Variants in LARS1 observed in about 807,000 individuals in gnomAD.
LARS1 encodes the protein leucyl-tRNA synthetase 1, also known as leucine--tRNA ligase, cytoplasmic.
A neutral mutation model predicts 162.8 loss-of-function variants in LARS1; 100 were observed. The ratio of observed to expected loss-of-function variants is 0.61; its 90% CI spans 0.52 to 0.73. The LOEUF (loss-of-function observed/expected upper bound fraction) is 0.73, where lower values mean the gene tolerates loss of function less well. Among genes scored for constraint, LARS1 ranks in the 30% least tolerant of loss-of-function variants. LARS1 has a pLI of 0.00. For missense variants in LARS1, 1,258 were observed against 1,408.9 expected (o/e 0.89, Z 1.71); for synonymous variants, 457 against 462.8 (o/e 0.99, Z 0.16).
At chr5:146,179,749 G>A in intron 1 of LARS1, 1 of 385,074 alleles carries the variant, frequency 2.6e-6, no homozygotes, top group Non-Finnish European at 5.2e-6. Context: ...ACAGGCATAT[G>A]CACCACCATA....
intron 1 of LARS1, chr5:146,182,249 C>T: frequency 1.7e-6 from 1 of 576,348 alleles, no homozygotes; most frequent in Non-Finnish European, 3.1e-6. Flanking sequence ...CTCTCCACCT[C>T]GATTTTAGAA....
intron 6 of LARS1, among the ~76,000 whole-genome samples, chr5:146,161,924 G>A (rs1040170157): frequency 3.9e-5 from 6 of 152,122 alleles, no homozygotes; most frequent in Non-Finnish European, 7.4e-5. Flanking sequence ...CGTAAGAAGC[G>A]AATCCTCATC....
At chr5:146,170,938 G>C (rs1486852261) in intron 4 of LARS1, among the ~76,000 whole-genome samples, 1 of 151,948 alleles carries the variant, frequency 6.6e-6, no homozygotes, top group Non-Finnish European at 1.5e-5. Context: ...ATGCATGTGT[G>C]CTAAGAGACA....
chr5:146,128,448 G>A (rs1206930067), intron 27 of LARS1, among the ~76,000 whole-genome samples: 5 of 152,014 alleles, frequency 3.3e-5, no homozygotes, highest in Admixed American at 2.6e-4. Flanking sequence ...TAGATCCAAT[G>A]TATTTTTGTA....
At position 146,155,096 on chromosome 5, in the gene LARS1, C is replaced by CGCA. The variant is rs1753462818; in HGVS notation, c.1066-1119_1066-1117dup. Reference sequence around the variant, plus strand: ...TGAACTCCTGACCCCAGGTGATCCACGCACCTCTGCCTCCCAAAGTGCTGG... The same window carrying CGCA: ...TGAACTCCTGACCCCAGGTGATCCACGCAGCACCTCTGCCTCCCAAAGTGCTGG... On this transcript the variant is annotated intron_variant, in intron 10 of 31. Transcript: ENST00000394434. 3.3e-5 allele frequency among the ~76,000 whole-genome samples: 5 copies of CGCA among 152,242 alleles called. No individual in the cohort carries two copies. The South Asian group carries it at 1.0e-3, about 32-fold the overall frequency.
At chr5:146,125,774 G>A (rs17427286) in intron 28 of LARS1, among the ~76,000 whole-genome samples, 34,128 of 151,962 alleles carry the variant, frequency 0.22, 4,835 homozygotes, top group Admixed American at 0.34. Context: ...AAGAAATCCA[G>A]TAATACATCA....
chr5:146,119,214 A>C (rs978877352), intron 31 of LARS1, among the ~76,000 whole-genome samples: 4 of 152,146 alleles, frequency 2.6e-5, no homozygotes, highest in Non-Finnish European at 5.9e-5. Flanking sequence ...TGCAGCTCCT[A>C]ATGAACAGCA....
At chr5:146,135,441 T>C (rs1752461298) in intron 22 of LARS1, among the ~76,000 whole-genome samples, 160 bp downstream of exon 22, 1 of 152,206 alleles carries the variant, frequency 6.6e-6, no homozygotes, top group Non-Finnish European at 1.5e-5. Context: ...AATTCTTATA[T>C]ATTAAATATT....
intron 3 of LARS1, 52 bp downstream of exon 3, chr5:146,172,635 A>G (rs1754331676): frequency 1.9e-6 from 2 of 1,048,018 alleles, no homozygotes; most frequent in African/African-American, 1.7e-5. Context: ...CTTCAAAACA[A>G]TATTCGTTAA....
chr5:146,180,597 A>G (rs969656104), intron 1 of LARS1, among the ~76,000 whole-genome samples: 1 of 152,198 alleles, frequency 6.6e-6, no homozygotes, highest in Admixed American at 6.5e-5. Flanking sequence ...AATTACTTAG[A>G]ACTATGTGTT....
At chr5:146,137,373 T>G (rs1418991958) in intron 21 of LARS1, among the ~76,000 whole-genome samples, 1 of 152,124 alleles carries the variant, frequency 6.6e-6, no homozygotes, top group Non-Finnish European at 1.5e-5. Context: ...AGGGGTGCCC[T>G]TCTCTAATTT....
At chr5:146,144,400 T>C (rs1292679305) in intron 17 of LARS1, 51 bp from the exon 18 acceptor site, 1 of 1,596,706 alleles carries the variant, frequency 6.3e-7, no homozygotes, top group African/African-American at 1.4e-5. Context: ...ACTTTTTTTG[T>C]TGCATTTCAA....
In LARS1 at chr5:146,157,436, G is replaced by C. The variant is rs749791589; in HGVS notation, c.1032C>G (p.Gly344=). ...TTAATTCCTTAACAACAGGCACCAC[G>C]CCATTGTCTTTGGTAAAGCCCTGGT... ...MSYQGFTKDN[G]VVPVVKELMG... The change falls in exon 10 of 32, where the codon GGC becomes GGG. Residue 344 remains glycine (G), a synonymous_variant. Transcript: ENST00000394434. 1.2e-6 allele frequency: 2 copies of C among 1,613,770 alleles called. No homozygotes were observed. Among genetic ancestry groups the C allele is most frequent in the African/African-American group, 2.7e-5 (2 of 74,836 alleles).
In LARS1 at chr5:146,172,070, T is replaced by C. The variant is rs562146694; in HGVS notation, c.214-80A>G. 7 of 1,278,560 alleles carry C rather than the reference T, an allele frequency of 5.5e-6. No individual in the cohort carries two copies. In the East Asian group the frequency reaches 1.5e-4, roughly 27 times the overall value. The allele number at this position is 1,278,560 out of a possible 1,614,324, so 79.2% of individuals were successfully genotyped here. Reference sequence around the variant, plus strand: ...AATGTGAACTTTTCACACAAAAAAATTAGTTTTCTTCTTTACATCCTCCTT... The same window carrying C: ...AATGTGAACTTTTCACACAAAAAAACTAGTTTTCTTCTTTACATCCTCCTT... On this transcript the variant is annotated intron_variant, in intron 3 of 31. Coordinates refer to ENST00000394434, the MANE Select transcript of LARS1 (RefSeq NM_020117.11).
intron 23 of LARS1, 32 bp downstream of exon 23, chr5:146,132,866 A>G (rs1443328787): frequency 6.3e-7 from 1 of 1,587,352 alleles, no homozygotes; most frequent in South Asian, 1.1e-5. Flanking sequence ...AAGTAACTCT[A>G]AAACACAAAA....
Position 146,143,002 on chromosome 5 carries a change from T to C in LARS1, c.1960A>G (p.Lys654Glu), listed in dbSNP as rs1752855499. Reference protein sequence around the residue: ...PFPKTQIAKEKLDQLKQEFEF... With the variant: ...PFPKTQIAKEELDQLKQEFEF... ...AACTCCTGCTTTAACTGATCTAATTTTTCCTTTGCAATCTGAGTCTTAGGA... is the reference window on the plus strand; with the variant it reads ...AACTCCTGCTTTAACTGATCTAATTCTTCCTTTGCAATCTGAGTCTTAGGA... The change falls in exon 20 of 32, where the codon AAA (lysine) becomes GAA (glutamate). Residue 654 changes from lysine to glutamate, a missense_variant. Lys to Glu is a moderately conservative substitution (Grantham distance 56, BLOSUM62 1). Transcript: ENST00000394434. 6.2e-7 allele frequency: 1 copy of C among 1,614,054 alleles called. No individual in the cohort carries two copies.
chr5:146,120,503 G>C lies in LARS1; in HGVS notation c.3193C>G (p.Pro1065Ala), dbSNP rs757677602. 5.0e-6 allele frequency: 8 copies of C among 1,608,346 alleles called. No homozygotes were observed. The highest frequency in any genetic ancestry group is 3.3e-4 in the Middle Eastern group (2 of 6,070). The change falls in exon 31 of 32, where the codon CCT (proline) becomes GCT (alanine). Residue 1065 changes from proline to alanine, a missense_variant and splice_region_variant. Transcript: ENST00000394434. ...TTCACCAGAGAAACGGACACACCAGGCTAGGAAAACAACAAGAAAATGATT... is the reference window on the plus strand; with the variant it reads ...TTCACCAGAGAAACGGACACACCAGCCTAGGAAAACAACAAGAAAATGATT... ...GKPLNVFRIEPGVSVSLVNPQ... is the reference protein window; with the variant it reads ...GKPLNVFRIEAGVSVSLVNPQ...
At position 146,172,598 on chromosome 5, in the gene LARS1, A is replaced by G. The variant is rs1447152729; in HGVS notation, c.213+89T>C. On this transcript the variant is annotated intron_variant, in intron 3 of 31. Coordinates refer to ENST00000394434, the MANE Select transcript of LARS1 (RefSeq NM_020117.11). ...GGAATTTTAAGTTCTCTTAACAGGA[A>G]ATAATAAATTCTATAGCTGCCATTT... 5 of 608,458 alleles carry G rather than the reference A, an allele frequency of 8.2e-6. No individual in the cohort carries two copies. The East Asian group carries it at 1.3e-4, about 16-fold the overall frequency. The allele number at this position is 608,458 out of a possible 1,614,324, so 37.7% of individuals were successfully genotyped here. A position where few individuals can be genotyped will look rare whatever the true frequency, so the allele number is the denominator to read the frequency against.
At chr5:146,139,172 T>C (rs1752646279) in intron 21 of LARS1, among the ~76,000 whole-genome samples, 1 of 151,062 alleles carries the variant, frequency 6.6e-6, no homozygotes, top group Non-Finnish European at 1.5e-5. Context: ...CGAAACCCCA[T>C]CTCTACGGAA....
Sources: gnomAD v4.1 joint callset for allele counts (sites outside exome capture counted in the v4.1 genomes callset) on GRCh38, gnomAD v4.1.1 for gene constraint, MANE v1.5 for transcripts, NCBI Gene and HGNC (gene_info 2026-07-23, HGNC 2026-07-21) for gene names.